The following NXPE1 variants were observed in gnomAD, a reference collection of about 807,000 sequenced individuals.
NXPE1 encodes neurexophilin and PC-esterase domain family member 1.
NXPE1 carries 31 observed loss-of-function variants against 33.3 expected under a neutral mutation model. The ratio of observed to expected loss-of-function variants is 0.93; its 90% CI spans 0.70 to 1.26. NXPE1 has a LOEUF of 1.26. Ranked by LOEUF, NXPE1 falls within the 50% of genes most tolerant of loss-of-function variation. The pLI, the probability that NXPE1 is intolerant of heterozygous loss-of-function variation, is 0.00. For missense variants in NXPE1, 661 were observed against 655.6 expected, an observed-to-expected ratio of 1.01 and a Z score of -0.09; for synonymous variants, 229 against 231.4, an observed-to-expected ratio of 0.99 and a Z score of 0.09.
chr11:114,529,915 C>T (rs976776713), intron 6 of NXPE1: 2 of 427,114 alleles, frequency 4.7e-6, no homozygotes, highest in African/African-American at 2.0e-5. Flanking sequence ...ATACACTTAT[C>T]AAGGAATCTT....
chr11:114,540,100 C>T (rs540705824), intron 5 of NXPE1, among the ~76,000 whole-genome samples: 30 of 152,314 alleles, frequency 2.0e-4, no homozygotes, highest in South Asian at 8.3e-4. Context: ...GGATTACAGA[C>T]GCCTGCCATC....
chr11:114,522,314 G>A (rs779709391), exon 9 of NXPE1: 5 of 1,614,050 alleles, frequency 3.1e-6, no homozygotes, highest in Non-Finnish European at 3.4e-6. Flanking sequence ...GATGACGATG[G>A]CTGTGTTTTT....
chr11:114,528,019 A>G, intron 6 of NXPE1, 118 bp from the exon 7 acceptor site: 1 of 645,312 alleles, frequency 1.5e-6, no homozygotes, highest in Non-Finnish European at 2.6e-6. Context: ...AGCTGTTATT[A>G]TTGTTGTAAA....
downstream of NXPE1, among the ~76,000 whole-genome samples, chr11:114,521,022 T>C (rs1475094015): frequency 3.3e-5 from 5 of 152,338 alleles, no homozygotes; most frequent in African/African-American, 9.6e-5. Flanking sequence ...CATTCACTGA[T>C]GATCTCTGCC....
intron 5 of NXPE1, among the ~76,000 whole-genome samples, chr11:114,539,940 T>G (rs578014): frequency 0.6 from 90,978 of 151,950 alleles, 29,033 homozygotes; most frequent in African/African-American, 0.84. Context: ...CATACTAAAG[T>G]TCCAAATGCA....
chr11:114,553,954 C>G, intron 1 of NXPE1: 1 of 985,386 alleles, frequency 1.0e-6, no homozygotes. Flanking sequence ...GCAGGTTTGT[C>G]AGTATACCCC....
chr11:114,519,725 T>G (rs11215031), downstream of NXPE1, among the ~76,000 whole-genome samples: 20,246 of 152,070 alleles, frequency 0.13, 1,467 homozygotes, highest in South Asian at 0.23. Context: ...TTTGAACACG[T>G]ATTTGTCTTG....
rs1338885794 is a variant in NXPE1 at position 114,533,325 on chromosome 11, TAAG to T, written c.100-2420_100-2418del. On this transcript the variant is annotated intron_variant, in intron 5 of 8. Coordinates refer to ENST00000534921, the Ensembl canonical transcript of NXPE1. Reference sequence around the variant, plus strand: ...GCGGGGTGGAGCCAAGATGGCAGAATAAGAACAGCTCCAGTCTACAGTTCCCAG... The same window carrying T: ...GCGGGGTGGAGCCAAGATGGCAGAATAACAGCTCCAGTCTACAGTTCCCAG... 2.6e-5 allele frequency among the ~76,000 whole-genome samples: 4 copies of T among 152,254 alleles called. No homozygotes were observed. In the East Asian group the frequency reaches 7.7e-4, roughly 29 times the overall value.
chr11:114,530,513 C>A (rs773882481), exon 6 of NXPE1: 93 of 1,613,802 alleles, frequency 5.8e-5, no homozygotes, highest in Non-Finnish European at 7.5e-5. Flanking sequence ...TGAAGCTGAC[C>A]AGGTAGGTGC....
chr11:114,522,252 C>T lies in NXPE1; in HGVS notation c.1360G>A (p.Ala454Thr), dbSNP rs1178574497. The stretch of plus-strand genomic sequence containing the variant: ...TCAATAGCCTTTTGAACACCGATGG[C>T]CCTGCGAATAAAAATGTCAATGGGA... The change falls in exon 9 of 9, where the codon GCC (alanine) becomes ACC (threonine). Residue 454 changes from alanine (A) to threonine (T), a missense_variant. Coordinates refer to ENST00000534921, the Ensembl canonical transcript of NXPE1. 4 of 1,613,914 alleles carry T rather than the reference C, an allele frequency of 2.5e-6. No homozygotes were observed. In the African/African-American group the frequency reaches 5.3e-5, roughly 22 times the overall value.
intron 5 of NXPE1, among the ~76,000 whole-genome samples, chr11:114,545,839 C>T (rs1236044299): frequency 6.6e-6 from 1 of 152,016 alleles, no homozygotes; most frequent in Non-Finnish European, 1.5e-5. Flanking sequence ...CAGGGGCACA[C>T]CACCACGCCC....
chr11:114,520,337 GAGA>G (rs1947185391), downstream of NXPE1, among the ~76,000 whole-genome samples: 1 of 152,048 alleles, frequency 6.6e-6, no homozygotes, highest in Non-Finnish European at 1.5e-5. Flanking sequence ...ATATATAAGT[GAGA>G]TCAAGCAATA....
chr11:114,541,379 A>C (rs1948092663), intron 5 of NXPE1, among the ~76,000 whole-genome samples: 2 of 152,316 alleles, frequency 1.3e-5, no homozygotes, highest in South Asian at 4.1e-4. Context: ...AGGTAAAAGA[A>C]AATATGTTGT....
intron 5 of NXPE1, among the ~76,000 whole-genome samples, chr11:114,535,199 A>G (rs1947760387): frequency 6.6e-6 from 1 of 152,218 alleles, no homozygotes; most frequent in Non-Finnish European, 1.5e-5. Flanking sequence ...TAAGTGAAGG[A>G]GAAATACAAT....
intron 7 of NXPE1, among the ~76,000 whole-genome samples, chr11:114,523,550 T>C (rs1947280167): frequency 6.6e-6 from 1 of 152,224 alleles, no homozygotes; most frequent in South Asian, 2.1e-4. Flanking sequence ...ACATTAAATA[T>C]AAAAACCTCA....
chr11:114,526,624 C>G (rs761731569), intron 7 of NXPE1: 3 of 152,202 alleles, frequency 2.0e-5, no homozygotes, highest in Non-Finnish European at 4.4e-5. Context: ...TCTTTCTAGG[C>G]TTATCCTCTG....
At chr11:114,543,042 G>A (rs1948155975) in intron 5 of NXPE1, among the ~76,000 whole-genome samples, 1 of 152,082 alleles carries the variant, frequency 6.6e-6, no homozygotes, top group Non-Finnish European at 1.5e-5. Flanking sequence ...ATCACTTGAG[G>A]CCAGGAGTTT....
intron 5 of NXPE1, among the ~76,000 whole-genome samples, chr11:114,548,708 G>C (rs1307759369): frequency 6.6e-6 from 1 of 151,684 alleles, no homozygotes; most frequent in East Asian, 1.9e-4. Context: ...TAAATGAGGA[G>C]ATAAAACTAA....
chr11:114,557,024 C>T (rs1245974728), intron 1 of NXPE1, among the ~76,000 whole-genome samples: 1 of 151,878 alleles, frequency 6.6e-6, no homozygotes, highest in African/African-American at 2.4e-5. Flanking sequence ...TCCTGAGTAG[C>T]TGGGATTACA....
Sources: allele counts gnomAD v4.1 joint callset (sites outside exome capture counted in the v4.1 genomes callset), GRCh38; gene constraint gnomAD v4.1.1; transcripts MANE v1.5; gene names NCBI Gene and HGNC (gene_info 2026-07-23, HGNC 2026-07-21).